ADCY2: variants seen among roughly 807,000 people sequenced by gnomAD.
ADCY2 encodes adenylate cyclase 2.
In ADCY2, 31 loss-of-function variants were observed where a neutral mutation model predicts 125.2. The ratio of observed to expected loss-of-function variants is 0.25; its 90% CI spans 0.19 to 0.33. The LOEUF is 0.33. Ranked by LOEUF, ADCY2 falls within the 10% of genes least tolerant of loss-of-function variation. ADCY2 has a pLI of 1.00. For synonymous variants in ADCY2, 512 were observed against 548.4 expected (o/e 0.93, Z 0.93); for missense variants, 904 against 1,418.2 (o/e 0.64, Z 5.82).
At chr5:7,587,373 C>G (rs1736664152) in intron 3 of ADCY2, among the ~76,000 whole-genome samples, 1 of 152,216 alleles carries the variant, frequency 6.6e-6, no homozygotes, top group South Asian at 2.1e-4. Context: ...CTTCCCTACT[C>G]TGTTGCGAGA....
intron 2 of ADCY2, among the ~76,000 whole-genome samples, chr5:7,467,379 C>G (rs538044170): frequency 2.0e-4 from 30 of 152,332 alleles, no homozygotes; most frequent in Admixed American, 1.0e-3. Flanking sequence ...TGCATGAGGC[C>G]TGACAAGTGC....
At chr5:7,405,853 T>C (rs1739465794) in intron 1 of ADCY2, among the ~76,000 whole-genome samples, 1 of 152,152 alleles carries the variant, frequency 6.6e-6, no homozygotes, top group Admixed American at 6.5e-5. Flanking sequence ...ATATATAGTT[T>C]ATTCCCATTT....
intron 4 of ADCY2, among the ~76,000 whole-genome samples, chr5:7,653,154 A>G (rs1739157044): frequency 1.3e-5 from 2 of 152,192 alleles, no homozygotes. Flanking sequence ...GTTACATTTT[A>G]TGCTAAGTAC....
chr5:7,483,677 G>T (rs1742819180), intron 2 of ADCY2, among the ~76,000 whole-genome samples: 1 of 152,158 alleles, frequency 6.6e-6, no homozygotes, highest in South Asian at 2.1e-4. Context: ...GCCATTGAGT[G>T]ACATTTTAGA....
At chr5:7,695,603 A>G (rs1207567033) in intron 5 of ADCY2, 149 bp from the exon 6 acceptor site, 17 of 406,984 alleles carry the variant, frequency 4.2e-5, no homozygotes, top group African/African-American at 6.2e-5. Context: ...AAATGTTTAT[A>G]TATTCTTAAT....
In ADCY2 at chr5:7,436,478, C is replaced by G. The variant is rs534813680; in HGVS notation, c.408+21708C>G. 2.8e-4 allele frequency among the ~76,000 whole-genome samples: 43 copies of G among 152,248 alleles called. 1 individual carries two copies. Among genetic ancestry groups the G allele is most frequent in the African/African-American group, 8.2e-4 (34 of 41,548 alleles). Reference sequence around the variant, plus strand: ...ATGTCTCTGTGAGTTGTGTTTTTGTCCCACTCAACAATTTAAGCCTATTGT... The same window carrying G: ...ATGTCTCTGTGAGTTGTGTTTTTGTGCCACTCAACAATTTAAGCCTATTGT... On this transcript the variant is annotated intron_variant, in intron 2 of 24. Coordinates refer to ENST00000338316, the MANE Select transcript of ADCY2 (RefSeq NM_020546.3).
intron 2 of ADCY2, among the ~76,000 whole-genome samples, chr5:7,512,824 A>G (rs10068719): frequency 0.017 from 2,529 of 152,264 alleles, 64 homozygotes; most frequent in African/African-American, 0.058. Context: ...CATTGAAAAG[A>G]GAATGGAATC....
chr5:7,489,017 C>G (rs1174904641), intron 2 of ADCY2, among the ~76,000 whole-genome samples: 1 of 152,194 alleles, frequency 6.6e-6, no homozygotes, highest in Non-Finnish European at 1.5e-5. Context: ...TAGCTGGGTC[C>G]TGCCTTCTCC....
chr5:7,683,486 T>A (rs1332563034), intron 4 of ADCY2, among the ~76,000 whole-genome samples: 1 of 152,172 alleles, frequency 6.6e-6, no homozygotes, highest in Non-Finnish European at 1.5e-5. Context: ...GACTGCCACT[T>A]TGCACCATGA....
intron 1 of ADCY2, among the ~76,000 whole-genome samples, chr5:7,413,980 T>G (rs1739836438): frequency 6.6e-6 from 1 of 152,214 alleles, no homozygotes. Context: ...TCCATCTCTC[T>G]TGAGAGAGAA....
At chr5:7,421,704 C>CA (rs1740211752) in intron 2 of ADCY2, among the ~76,000 whole-genome samples, 3 of 152,198 alleles carry the variant, frequency 2.0e-5, no homozygotes, top group Non-Finnish European at 2.9e-5. Context: ...TGGAGTGCTG[C>CA]TCTGAGGTTC....
chr5:7,586,084 T>C (rs536195352), intron 3 of ADCY2, among the ~76,000 whole-genome samples: 7 of 152,340 alleles, frequency 4.6e-5, no homozygotes, highest in African/African-American at 1.4e-4. Flanking sequence ...ACACACAACT[T>C]GTATTCTAGT....
At chr5:7,534,994 G>C (rs1734769527) in intron 3 of ADCY2, among the ~76,000 whole-genome samples, 1 of 152,184 alleles carries the variant, frequency 6.6e-6, no homozygotes. Flanking sequence ...CCTGGGCCTT[G>C]AGATGAGCTT....
intron 3 of ADCY2, among the ~76,000 whole-genome samples, chr5:7,584,073 A>G (rs1323326971): frequency 2.0e-5 from 3 of 152,110 alleles, no homozygotes; most frequent in African/African-American, 7.2e-5. Context: ...ATGACTGAGA[A>G]TGGGGTGATT....
chr5:7,814,368 C>G (rs1294333205), intron 22 of ADCY2, among the ~76,000 whole-genome samples: 1 of 151,458 alleles, frequency 6.6e-6, no homozygotes, highest in Non-Finnish European at 1.5e-5. Flanking sequence ...TTGTTATTGT[C>G]AATGGAGACA....
chr5:7,526,148 C>T (rs1443298333), intron 3 of ADCY2, among the ~76,000 whole-genome samples: 1 of 152,226 alleles, frequency 6.6e-6, no homozygotes, highest in Admixed American at 6.5e-5. Context: ...TGTCCTCCTG[C>T]GGTTGGCTTT....
At chr5:7,755,930 C>T (rs1000921015) in intron 15 of ADCY2, among the ~76,000 whole-genome samples, 6 of 152,238 alleles carry the variant, frequency 3.9e-5, no homozygotes, top group African/African-American at 1.4e-4. Context: ...TTGAATTTCA[C>T]TGATGTCACA....
intron 2 of ADCY2, among the ~76,000 whole-genome samples, chr5:7,457,946 T>C (rs1741759843): frequency 6.6e-6 from 1 of 152,204 alleles, no homozygotes; most frequent in South Asian, 2.1e-4. Context: ...TAGAATCCAG[T>C]ACAAATATGC....
At chr5:7,685,024 C>T (rs1022240533) in intron 4 of ADCY2, 3 of 152,280 alleles carry the variant, frequency 2.0e-5, no homozygotes, top group Admixed American at 1.3e-4. Flanking sequence ...TAAAGTCGCT[C>T]CTCAGTAATC....
Sources: gnomAD v4.1 joint callset for allele counts (sites outside exome capture counted in the v4.1 genomes callset) on GRCh38, gnomAD v4.1.1 for gene constraint, MANE v1.5 for transcripts, NCBI Gene and HGNC (gene_info 2026-07-23, HGNC 2026-07-21) for gene names.